Variants in PLCL2 observed in about 807,000 individuals in gnomAD.
PLCL2 encodes the protein inactive phospholipase C-like protein 2.
In PLCL2, 4 loss-of-function variants were observed where a neutral mutation model predicts 79.6. The observed-to-expected ratio is 0.05, with a 90% confidence interval of 0.02 to 0.11. The LOEUF (loss-of-function observed/expected upper bound fraction) is 0.11. Ranked by LOEUF, PLCL2 falls within the 10% of genes least tolerant of loss-of-function variation. The pLI, the probability that PLCL2 is intolerant of heterozygous loss-of-function variation, is 1.00. For synonymous variants in PLCL2, 484 were observed against 457.7 expected, an observed-to-expected ratio of 1.06 and a Z score of -0.73; for missense variants, 895 against 1,291.0, an observed-to-expected ratio of 0.69 and a Z score of 4.70.
At chr3:17,083,428 A>G (rs1024011560) in intron 5 of PLCL2, among the ~76,000 whole-genome samples, 1 of 152,170 alleles carries the variant, frequency 6.6e-6, no homozygotes, top group African/African-American at 2.4e-5. Context: ...TGAGTGAACA[A>G]TACAGGGTGG....
Position 16,885,354 on chromosome 3 carries a change from C to T in PLCL2, c.315C>T (p.Ser105=), listed in dbSNP as rs1696193173. The T allele has an allele frequency of 1.6e-6, 1 of 643,914 alleles. No homozygotes were observed. The highest frequency in any genetic ancestry group is 2.8e-6 in the Non-Finnish European group (1 of 357,260). The allele number at this position is 643,914 out of a possible 1,614,324, so 39.9% of individuals were successfully genotyped here. A position where few individuals can be genotyped will look rare whatever the true frequency, so the allele number is the denominator to read the frequency against. The change falls in exon 1 of 6, where the codon AGC becomes AGT. Residue 105 remains serine, a synonymous_variant. Coordinates refer to ENST00000615277, the MANE Select transcript of PLCL2 (RefSeq NM_001144382.2). The part of the protein sequence containing the change: ...ESKPGGLPRR[S]SIIKDGTKQK... ...AGCCGGGCGGCCTGCCCCGCCGGAG[C>T]AGCATCATCAAGGTAGGTGGGAGAA...
At chr3:17,087,306 A>C (rs796911585) in intron 5 of PLCL2, among the ~76,000 whole-genome samples, 20 of 152,378 alleles carry the variant, frequency 1.3e-4, no homozygotes, top group African/African-American at 4.1e-4. Context: ...GCATCCAGAC[A>C]ATGGAATATT....
intron 1 of PLCL2, among the ~76,000 whole-genome samples, chr3:16,904,592 G>A (rs965703006): frequency 6.6e-6 from 1 of 152,106 alleles, no homozygotes; most frequent in African/African-American, 2.4e-5. Flanking sequence ...TGCCATCCTG[G>A]AAGCACAGCC....
In PLCL2 at chr3:16,885,297, C is replaced by A; in HGVS notation, c.258C>A (p.Ser86Arg). The A allele has an allele frequency of 1.5e-6, 1 of 661,918 alleles. No homozygotes were observed. Among genetic ancestry groups the A allele is most frequent in the Non-Finnish European group, 2.7e-6 (1 of 366,074 alleles). The allele number at this position is 661,918 out of a possible 1,614,324, so 41.0% of individuals were successfully genotyped here. ...GCGTTGCGCTCGCCCCGACCCCCAG[C>A]GCGGTCGTCTGTACCCTCCCCCGGG... is the stretch of plus-strand genomic sequence containing the variant. ...PRGVALAPTP[S>R]AVVCTLPRES... is the part of the protein sequence containing the mutation. The change falls in exon 1 of 6, where the codon AGC becomes AGA. Residue 86 changes from serine (S) to arginine (R), a missense_variant. This residue lies in a region of PLCL2 where 110 missense variants were observed against 42.9 expected (regional missense o/e 2.56). Coordinates refer to ENST00000615277, the MANE Select transcript of PLCL2 (RefSeq NM_001144382.2).
chr3:17,045,293 T>C (rs1224989902), intron 4 of PLCL2, among the ~76,000 whole-genome samples: 1 of 152,212 alleles, frequency 6.6e-6, no homozygotes, highest in Admixed American at 6.5e-5. Flanking sequence ...TATATTTTTA[T>C]TAGTTAAAAC....
chr3:17,036,405 T>C (rs1302034269), intron 3 of PLCL2, among the ~76,000 whole-genome samples: 1 of 152,234 alleles, frequency 6.6e-6, no homozygotes, highest in African/African-American at 2.4e-5. Context: ...TTTCTGTACT[T>C]GGAAGCTTTA....
chr3:16,943,946 A>G (rs58471770), intron 1 of PLCL2, among the ~76,000 whole-genome samples: 1,583 of 152,252 alleles, frequency 0.01, 33 homozygotes, highest in African/African-American at 0.036. Context: ...CTTGGGTATT[A>G]TGTTTAAGGT....
chr3:17,015,148 TC>T (rs1033103294), intron 3 of PLCL2, among the ~76,000 whole-genome samples: 2 of 152,234 alleles, frequency 1.3e-5, no homozygotes, highest in Non-Finnish European at 2.9e-5. Flanking sequence ...TTAGTTAGCT[TC>T]TCAGCTATAT....
At chr3:16,982,207 T>C (rs1203593031) in intron 1 of PLCL2, among the ~76,000 whole-genome samples, 1 of 152,214 alleles carries the variant, frequency 6.6e-6, no homozygotes, top group Non-Finnish European at 1.5e-5. Context: ...ACATAAATCT[T>C]TCTTCAAATT....
intron 3 of PLCL2, among the ~76,000 whole-genome samples, chr3:17,025,852 A>G (rs954167262): frequency 2.6e-5 from 4 of 152,234 alleles, no homozygotes; most frequent in Admixed American, 6.5e-5. Flanking sequence ...CCTCATGTTC[A>G]TAAGAGATAC....
chr3:17,062,850 A>T (rs1033680614), intron 4 of PLCL2, among the ~76,000 whole-genome samples: 1 of 152,124 alleles, frequency 6.6e-6, no homozygotes, highest in African/African-American at 2.4e-5. Context: ...CTATTTCTGA[A>T]CCTGAAGATT....
At chr3:17,034,993 A>G (rs528613407) in intron 3 of PLCL2, among the ~76,000 whole-genome samples, 1 of 152,148 alleles carries the variant, frequency 6.6e-6, no homozygotes, top group Non-Finnish European at 1.5e-5. Flanking sequence ...TGCACCTGTC[A>G]TACTAGTTAT....
At chr3:16,958,453 A>G (rs2063726232) in intron 1 of PLCL2, among the ~76,000 whole-genome samples, 1 of 151,928 alleles carries the variant, frequency 6.6e-6, no homozygotes, top group Non-Finnish European at 1.5e-5. Flanking sequence ...TCAAAATAAG[A>G]CTGTAATAAA....
At chr3:17,053,393 C>G (rs1292416515) in intron 4 of PLCL2, among the ~76,000 whole-genome samples, 1 of 152,222 alleles carries the variant, frequency 6.6e-6, no homozygotes, top group South Asian at 2.1e-4. Context: ...TTCATGAGAA[C>G]TCTGCCCCAT....
Position 17,089,899 on chromosome 3 carries a change from A to G in PLCL2, c.3371A>G (p.Glu1124Gly), listed in dbSNP as rs2065256333. The change falls in exon 6 of 6, where the codon GAA becomes GGA. Residue 1124 changes from glutamate to glycine, a missense_variant. Physicochemically the swap from Glu to Gly is moderately conservative, Grantham distance 98. This residue lies in a region of PLCL2 where 298 missense variants were observed against 459.6 expected (regional missense o/e 0.65). Coordinates refer to ENST00000615277, the MANE Select transcript of PLCL2 (RefSeq NM_001144382.2). The stretch of plus-strand genomic sequence containing the variant: ...GTCATACCCGAAAAAGCAAACGATG[A>G]AACTGGAGAATGAGGAAACTTACAA... ...LEVIPEKAND[E>G]TGE The G allele has an allele frequency of 6.2e-7, 1 of 1,612,406 alleles. No individual in the cohort carries two copies. The highest frequency in any genetic ancestry group is 8.5e-7 in the Non-Finnish European group (1 of 1,179,538).
intron 1 of PLCL2, among the ~76,000 whole-genome samples, chr3:16,946,953 CTTTTTTT>C (rs1056023349): frequency 2.1e-5 from 2 of 95,444 alleles, no homozygotes; most frequent in Admixed American, 1.3e-4. Flanking sequence ...AAGTTTCATT[CTTTTTTT>C]TTTTTTTTTT....
chr3:16,982,576 G>A (rs932751189), intron 1 of PLCL2, among the ~76,000 whole-genome samples: 1 of 152,202 alleles, frequency 6.6e-6, no homozygotes, highest in Admixed American at 6.5e-5. Flanking sequence ...AGCCTGGGAT[G>A]GGGTGTTGCC....
intron 1 of PLCL2, among the ~76,000 whole-genome samples, chr3:16,968,512 A>G (rs527540642): frequency 6.6e-6 from 1 of 151,892 alleles, no homozygotes; most frequent in Non-Finnish European, 1.5e-5. Flanking sequence ...ATTTATAGAT[A>G]TTTTATTCTT....
intron 1 of PLCL2, among the ~76,000 whole-genome samples, chr3:16,977,881 T>C (rs1314337709): frequency 6.6e-6 from 1 of 152,196 alleles, no homozygotes; most frequent in Non-Finnish European, 1.5e-5. Flanking sequence ...GCCCTCTGCT[T>C]CATAGATGGC....
Sources: gnomAD v4.1 joint callset for allele counts (sites outside exome capture counted in the v4.1 genomes callset) on GRCh38, gnomAD v4.1.1 for gene constraint, gnomAD v4.1.1 regional missense constraint, MANE v1.5 for transcripts, NCBI Gene and HGNC (gene_info 2026-07-23, HGNC 2026-07-21) for gene names.